OR2L13: variants seen among roughly 807,000 people sequenced by gnomAD.
The protein encoded by OR2L13 is olfactory receptor 2L13.
In OR2L13, 14 loss-of-function variants were observed where a neutral mutation model predicts 15.3. The ratio of observed to expected loss-of-function variants is 0.91; its 90% CI spans 0.60 to 1.43. The LOEUF (loss-of-function observed/expected upper bound fraction) is 1.43, where lower values mean the gene tolerates loss of function less well. Ranked by LOEUF, OR2L13 falls within the 40% of genes most tolerant of loss-of-function variation. The pLI is 0.00. For synonymous variants in OR2L13, 152 were observed against 142.9 expected, an observed-to-expected ratio of 1.06 and a Z score of -0.45; for missense variants, 367 against 387.9, an observed-to-expected ratio of 0.95 and a Z score of 0.45.
At chr1:248,021,497 T>G in the OR2L13 span, among the ~76,000 whole-genome samples, 1 of 152,186 alleles carries the variant, frequency 6.6e-6, no homozygotes, top group Admixed American at 6.5e-5. Context: ...AAATGAACAC[T>G]TCATAAATTA....
the OR2L13 span, chr1:248,030,040 G>T: frequency 6.6e-6 from 1 of 152,026 alleles, no homozygotes; most frequent in Admixed American, 6.6e-5. Context: ...AAAAAGGACT[G>T]GATTCATGGT....
the OR2L13 span, among the ~76,000 whole-genome samples, chr1:247,981,989 G>T: frequency 1.3e-5 from 2 of 151,974 alleles, no homozygotes; most frequent in Non-Finnish European, 2.9e-5. Flanking sequence ...CTAATGTTTT[G>T]TATTTTTAGT....
the OR2L13 span, among the ~76,000 whole-genome samples, chr1:248,046,571 A>G: frequency 1.3e-5 from 2 of 152,114 alleles, no homozygotes; most frequent in African/African-American, 4.8e-5. Flanking sequence ...CATGATCAGA[A>G]CTCATATCTG....
At chr1:248,055,908 T>G in the OR2L13 span, 3 of 152,186 alleles carry the variant, frequency 2.0e-5, no homozygotes, top group Non-Finnish European at 4.4e-5. Context: ...CTGGGCTTTT[T>G]TTCCTTTGGT....
chr1:247,975,821 C>A, the OR2L13 span, among the ~76,000 whole-genome samples: 5 of 152,092 alleles, frequency 3.3e-5, no homozygotes, highest in Admixed American at 1.3e-4. Context: ...TATTCTAAGA[C>A]ATCTATGTTG....
chr1:248,096,478 T>C (rs1664744647), upstream of OR2L13, among the ~76,000 whole-genome samples: 1 of 152,084 alleles, frequency 6.6e-6, no homozygotes, highest in African/African-American at 2.4e-5. Context: ...TCTCAAACAA[T>C]GTGACATTAA....
the OR2L13 span, among the ~76,000 whole-genome samples, chr1:248,072,474 A>C: frequency 6.6e-6 from 1 of 152,172 alleles, no homozygotes; most frequent in Admixed American, 6.5e-5. Context: ...ACAAAAATTA[A>C]TTCAAGATGG....
the OR2L13 span, among the ~76,000 whole-genome samples, chr1:247,945,213 T>A: frequency 6.6e-6 from 1 of 152,326 alleles, no homozygotes; most frequent in East Asian, 1.9e-4. Flanking sequence ...TGTCTCTTTG[T>A]TTTCATTGAT....
chr1:248,061,417 G>C, the OR2L13 span: 5 of 1,614,070 alleles, frequency 3.1e-6, no homozygotes, highest in Admixed American at 5.0e-5. Context: ...CCACCTCACT[G>C]TAGTAACTTT....
chr1:248,002,165 G>T, the OR2L13 span, among the ~76,000 whole-genome samples: 1 of 151,772 alleles, frequency 6.6e-6, no homozygotes, highest in Non-Finnish European at 1.5e-5. Context: ...AAATTGCTCT[G>T]CAGAGGCTTA....
chr1:248,038,786 C>T, the OR2L13 span: 1 of 1,614,176 alleles, frequency 6.2e-7, no homozygotes, highest in Non-Finnish European at 8.5e-7. Flanking sequence ...CCAGAGCCAT[C>T]AATCATTTTT....
At chr1:248,075,097 C>T in the OR2L13 span, among the ~76,000 whole-genome samples, 1 of 152,114 alleles carries the variant, frequency 6.6e-6, no homozygotes, top group African/African-American at 2.4e-5. Flanking sequence ...CGTTCAATTC[C>T]CACCTATGAG....
the OR2L13 span, among the ~76,000 whole-genome samples, chr1:248,073,989 C>T: frequency 6.6e-5 from 10 of 151,824 alleles, no homozygotes; most frequent in South Asian, 2.1e-4. Flanking sequence ...AATTATATAT[C>T]GGACTTAAAA....
At chr1:248,059,070 C>T in the OR2L13 span, among the ~76,000 whole-genome samples, 20 of 152,142 alleles carry the variant, frequency 1.3e-4, no homozygotes, top group South Asian at 1.9e-3. Flanking sequence ...GAATTCTGAT[C>T]ACAACAATTC....
the OR2L13 span, among the ~76,000 whole-genome samples, chr1:247,963,119 A>G: frequency 1.3e-5 from 2 of 152,170 alleles, no homozygotes; most frequent in African/African-American, 4.8e-5. Context: ...AAGTCAAGGA[A>G]TAAAAAGGTG....
the OR2L13 span, among the ~76,000 whole-genome samples, chr1:247,978,745 G>A: frequency 6.6e-6 from 1 of 152,070 alleles, no homozygotes; most frequent in Non-Finnish European, 1.5e-5. Context: ...GAAAGCAGGG[G>A]TCTTTCAGGA....
At chr1:247,985,237 T>C in the OR2L13 span, among the ~76,000 whole-genome samples, 5 of 152,162 alleles carry the variant, frequency 3.3e-5, no homozygotes, top group African/African-American at 1.2e-4. Flanking sequence ...TATCTCCTAA[T>C]GCCATCCCTC....
At chr1:248,052,572 C>CA in the OR2L13 span, among the ~76,000 whole-genome samples, 13 of 150,916 alleles carry the variant, frequency 8.6e-5, no homozygotes, top group East Asian at 3.9e-4. Flanking sequence ...ACTAAAAATA[C>CA]AAAAAAAAAT....
chr1:248,083,570 G>A, the OR2L13 span: 1 of 1,069,080 alleles, frequency 9.4e-7, no homozygotes, highest in South Asian at 1.5e-5. Flanking sequence ...CTACTAAAGG[G>A]AGAGAATTAC....
Sources: allele counts gnomAD v4.1 joint callset (sites outside exome capture counted in the v4.1 genomes callset), GRCh38; gene constraint gnomAD v4.1.1; transcripts MANE v1.5; gene names NCBI Gene and HGNC (gene_info 2026-07-23, HGNC 2026-07-21).